IFT57: variants seen among roughly 807,000 people sequenced by gnomAD.
IFT57 encodes the protein intraflagellar transport 57.
IFT57 carries 59 observed loss-of-function variants against 56.8 expected under a neutral mutation model. The observed-to-expected ratio is 1.04, with a 90% confidence interval of 0.84 to 1.29. The LOEUF (loss-of-function observed/expected upper bound fraction) is 1.29, where lower values mean the gene tolerates loss of function less well. Among genes scored for constraint, IFT57 ranks in the 50% most tolerant of loss-of-function variants. The pLI is 0.00. For synonymous variants in IFT57, 209 were observed against 186.1 expected, an observed-to-expected ratio of 1.12 and a Z score of -1.00; for missense variants, 470 against 522.1, an observed-to-expected ratio of 0.90 and a Z score of 0.97.
chr3:108,181,353 G>A (rs1426267710), intron 6 of IFT57, among the ~76,000 whole-genome samples: 1 of 151,926 alleles, frequency 6.6e-6, no homozygotes, highest in Non-Finnish European at 1.5e-5. Context: ...ACCTGTCCAG[G>A]ATCCACATGA....
intron 6 of IFT57, among the ~76,000 whole-genome samples, chr3:108,168,514 CATGTGCAG>C (rs1254804365): frequency 1.3e-5 from 2 of 151,954 alleles, no homozygotes; most frequent in African/African-American, 4.8e-5. Context: ...TTCTGGGATA[CATGTGCAG>C]AATGTGCAAG....
chr3:108,215,045 T>C (rs1295353786), intron 3 of IFT57, among the ~76,000 whole-genome samples: 2 of 152,184 alleles, frequency 1.3e-5, no homozygotes, highest in African/African-American at 2.4e-5. Context: ...ATCTGAAGTT[T>C]ATTTTAACAT....
intron 4 of IFT57, among the ~76,000 whole-genome samples, chr3:108,211,898 A>AT (rs1373467492): frequency 5.3e-5 from 8 of 152,226 alleles, no homozygotes; most frequent in Admixed American, 1.3e-4. Flanking sequence ...TCAACATAAA[A>AT]TTTGGAATCA....
chr3:108,218,430 T>C, intron 3 of IFT57, 105 bp downstream of exon 3: 2 of 503,004 alleles, frequency 4.0e-6, no homozygotes, highest in Non-Finnish European at 7.1e-6. Flanking sequence ...CAATTTAGAA[T>C]AGTCAAAAAG....
At chr3:108,165,547 A>C in intron 8 of IFT57, 54 bp from the exon 9 acceptor site, 1 of 1,384,956 alleles carries the variant, frequency 7.2e-7, no homozygotes, top group Non-Finnish European at 1.0e-6. Context: ...AGCAGATTAA[A>C]TACGACTGAC....
chr3:108,220,337 T>C (rs1370403079), intron 1 of IFT57, among the ~76,000 whole-genome samples: 1 of 152,222 alleles, frequency 6.6e-6, no homozygotes, highest in Non-Finnish European at 1.5e-5. Flanking sequence ...TTCAAGTCAG[T>C]TTAATCAAAG....
chr3:108,208,713 CAAT>C (rs945633403), intron 4 of IFT57, among the ~76,000 whole-genome samples: 3 of 152,120 alleles, frequency 2.0e-5, no homozygotes, highest in Non-Finnish European at 2.9e-5. Flanking sequence ...GAAGATACAA[CAAT>C]GATTTGATTG....
chr3:108,217,997 T>C (rs2080382406), intron 3 of IFT57, among the ~76,000 whole-genome samples: 1 of 94,112 alleles, frequency 1.1e-5, no homozygotes, highest in African/African-American at 3.5e-5. Context: ...TTTTATACCA[T>C]AGGATAAATA....
chr3:108,211,066 T>A (rs948130650), intron 4 of IFT57, among the ~76,000 whole-genome samples: 1 of 152,218 alleles, frequency 6.6e-6, no homozygotes, highest in African/African-American at 2.4e-5. Context: ...AAATATTTAA[T>A]GAGTATGTAC....
chr3:108,183,666 C>G (rs934941112), intron 6 of IFT57, among the ~76,000 whole-genome samples: 1 of 152,126 alleles, frequency 6.6e-6, no homozygotes, highest in Admixed American at 6.6e-5. Flanking sequence ...GTGGCTGACA[C>G]CCTTGCTATA....
At chr3:108,185,704 G>C (rs2080178123) in intron 6 of IFT57, among the ~76,000 whole-genome samples, 1 of 151,930 alleles carries the variant, frequency 6.6e-6, no homozygotes, top group South Asian at 2.1e-4. Flanking sequence ...GAAGGGATAA[G>C]CTAATTCTAC....
At chr3:108,192,511 T>C (rs2080222042) in intron 5 of IFT57, among the ~76,000 whole-genome samples, 1 of 152,122 alleles carries the variant, frequency 6.6e-6, no homozygotes, top group South Asian at 2.1e-4. Context: ...CATTTCAGCA[T>C]TAAGTATGTA....
intron 6 of IFT57, among the ~76,000 whole-genome samples, chr3:108,188,455 A>G (rs368726197): frequency 6.6e-6 from 1 of 152,336 alleles, no homozygotes; most frequent in South Asian, 2.1e-4. Context: ...AGATCAAACT[A>G]TCTAAAGAAG....
chr3:108,173,078 G>C (rs1291461145), intron 6 of IFT57, among the ~76,000 whole-genome samples: 1 of 151,808 alleles, frequency 6.6e-6, no homozygotes, highest in Middle Eastern at 3.2e-3. Flanking sequence ...TAATGTACAA[G>C]TTACTGATAA....
chr3:108,202,447 C>T (rs2080284404), intron 5 of IFT57, among the ~76,000 whole-genome samples: 1 of 152,228 alleles, frequency 6.6e-6, no homozygotes, highest in Admixed American at 6.5e-5. Flanking sequence ...TTCTAAACAT[C>T]ACAGTCCCAG....
chr3:108,170,668 C>CAA (rs375732793), intron 6 of IFT57, among the ~76,000 whole-genome samples: 3,631 of 145,014 alleles, frequency 0.025, 46 homozygotes, highest in Middle Eastern at 0.05. Flanking sequence ...CATGTGGAAC[C>CAA]AAAAAAAAAA....
At chr3:108,187,731 A>G (rs1474226082) in intron 6 of IFT57, among the ~76,000 whole-genome samples, 1 of 152,116 alleles carries the variant, frequency 6.6e-6, no homozygotes, top group Non-Finnish European at 1.5e-5. Context: ...CCAAATTTAA[A>G]TAACAGAGGT....
At chr3:108,191,442 T>G in intron 6 of IFT57, 79 bp downstream of exon 6, 1 of 937,524 alleles carries the variant, frequency 1.1e-6, no homozygotes, top group Non-Finnish European at 1.5e-6. Flanking sequence ...ATAATTTTTA[T>G]AATTGGGAGT....
intron 6 of IFT57, among the ~76,000 whole-genome samples, chr3:108,173,766 C>CTGTGTGTGTGTGTGTGTGTGTGTG (rs59233165): frequency 8.0e-6 from 1 of 124,670 alleles, no homozygotes. Flanking sequence ...GTCAGGGACT[C>CTGTGTGTGTGTGTGTGTGTGTGTG]TGTGTGTGTG....
Sources: allele counts gnomAD v4.1 joint callset (sites outside exome capture counted in the v4.1 genomes callset), GRCh38; gene constraint gnomAD v4.1.1; transcripts MANE v1.5; gene names NCBI Gene and HGNC (gene_info 2026-07-23, HGNC 2026-07-21).